DCUN1D4: variants seen among roughly 807,000 people sequenced by gnomAD.
DCUN1D4 encodes the protein defective in cullin neddylation 1 domain containing 4.
Under a neutral mutation model 47.9 loss-of-function variants are expected in DCUN1D4, and 22 were observed. The observed-to-expected ratio is 0.46, with a 90% CI of 0.33 to 0.66. The LOEUF (loss-of-function observed/expected upper bound fraction) is 0.66, where lower values mean the gene tolerates loss of function less well. DCUN1D4 is among the 30% of genes least tolerant of loss of function. The pLI, the probability that DCUN1D4 is intolerant of heterozygous loss-of-function variation, is 0.02. For missense variants in DCUN1D4, 301 were observed against 340.8 expected (o/e 0.88, Z 0.92); for synonymous variants, 121 against 112.2 (o/e 1.08, Z -0.50).
At chr4:51,897,648 T>C (rs944350014) in intron 7 of DCUN1D4, among the ~76,000 whole-genome samples, 23 of 152,056 alleles carry the variant, frequency 1.5e-4, no homozygotes, top group African/African-American at 5.1e-4. Context: ...AACAGGTTAT[T>C]ATCACCAAGG....
intron 8 of DCUN1D4, among the ~76,000 whole-genome samples, chr4:51,908,482 C>T (rs1733231562): frequency 1.3e-5 from 2 of 152,096 alleles, no homozygotes; most frequent in African/African-American, 4.8e-5. Flanking sequence ...CTGCCCCTTG[C>T]TCCTTGGTGC....
At chr4:51,833,934 G>A in the DCUN1D4 span, among the ~76,000 whole-genome samples, 1 of 152,092 alleles carries the variant, frequency 6.6e-6, no homozygotes, top group East Asian at 1.9e-4. Context: ...CAAGGTGGAT[G>A]AGGATTTGTA....
chr4:51,892,043 T>C (rs1730511702), intron 7 of DCUN1D4, among the ~76,000 whole-genome samples, 192 bp downstream of exon 7: 1 of 152,192 alleles, frequency 6.6e-6, no homozygotes, highest in African/African-American at 2.4e-5. Context: ...ATAAAGTGTC[T>C]ATATGTGTAT....
At chr4:51,860,566 G>A (rs1241226138) in intron 1 of DCUN1D4, 6 of 454,996 alleles carry the variant, frequency 1.3e-5, no homozygotes, top group African/African-American at 1.2e-4. Context: ...TATGGTGCTG[G>A]CATCTGCTTG....
At chr4:51,906,090 C>A (rs1307820286) in intron 8 of DCUN1D4, among the ~76,000 whole-genome samples, 1 of 152,048 alleles carries the variant, frequency 6.6e-6, no homozygotes, top group Non-Finnish European at 1.5e-5. Context: ...TTAAAGAAGT[C>A]GAATGAAGAG....
In DCUN1D4 at chr4:51,873,603, G is replaced by GT. The variant is rs375032836; in HGVS notation, c.137-667dup. Among the ~76,000 whole-genome samples the GT allele has an allele frequency of 1.8e-3, 281 of 152,322 alleles. 2 individuals carry two copies. The highest frequency in any genetic ancestry group is 6.2e-3 in the African/African-American group (259 of 41,570). ...TGTTAAGAACAGGGCCTGGTTCAAAGTAAGACCTCAGTAAGTGTTCAGTGG... is the reference window on the plus strand; with the variant it reads ...TGTTAAGAACAGGGCCTGGTTCAAAGTTAAGACCTCAGTAAGTGTTCAGTGG... On this transcript the variant is annotated intron_variant, in intron 3 of 10. Coordinates refer to ENST00000334635, the MANE Select transcript of DCUN1D4 (RefSeq NM_001040402.3).
In DCUN1D4 at chr4:51,863,664, T is replaced by C. The variant is rs756087324; in HGVS notation, c.97-6T>C. The stretch of plus-strand genomic sequence containing the variant: ...TTCTTCGTAATAACGAACATATTTC[T>C]TTCAGAACCTAACAGAAGACATTGG... On this transcript the variant is annotated splice_polypyrimidine_tract_variant and splice_region_variant and intron_variant, in intron 2 of 10. Transcript: ENST00000334635. The C allele has an allele frequency of 1.9e-6, 3 of 1,613,408 alleles. No individual in the cohort carries two copies. The South Asian group carries it at 3.3e-5, about 18-fold the overall frequency.
At chr4:51,866,638 A>G (rs181805231) in intron 3 of DCUN1D4, among the ~76,000 whole-genome samples, 2 of 152,146 alleles carry the variant, frequency 1.3e-5, no homozygotes, top group Admixed American at 1.3e-4. Context: ...TAATGCAGGA[A>G]TATAACTTTT....
chr4:51,849,510 C>T (rs1207518663), intron 1 of DCUN1D4, among the ~76,000 whole-genome samples: 1 of 152,164 alleles, frequency 6.6e-6, no homozygotes, highest in Non-Finnish European at 1.5e-5. Flanking sequence ...TGGTCAGATA[C>T]GTGGTAGAAG....
upstream of DCUN1D4, among the ~76,000 whole-genome samples, chr4:51,840,150 A>G (rs908319705): frequency 6.6e-6 from 1 of 152,206 alleles, no homozygotes; most frequent in African/African-American, 2.4e-5. Flanking sequence ...AAGATATTCA[A>G]TTATTAATTT....
intron 3 of DCUN1D4, among the ~76,000 whole-genome samples, chr4:51,872,117 G>T (rs1025363370): frequency 6.6e-6 from 1 of 152,206 alleles, no homozygotes; most frequent in African/African-American, 2.4e-5. Context: ...GGATCCTTGA[G>T]CCTGGGCACT....
At chr4:51,879,851 A>AT (rs966630857) in intron 5 of DCUN1D4, among the ~76,000 whole-genome samples, 5 of 152,234 alleles carry the variant, frequency 3.3e-5, no homozygotes, top group Non-Finnish European at 5.9e-5. Flanking sequence ...GCAAATACAG[A>AT]TTTTTTCATA....
At chr4:51,844,223 G>A (rs1722115763) in intron 1 of DCUN1D4, 8 of 695,880 alleles carry the variant, frequency 1.1e-5, no homozygotes, top group Admixed American at 6.4e-5. Context: ...CTAAGGGGGT[G>A]TCAGACTGTG....
chr4:51,854,097 A>T (rs758264515), intron 1 of DCUN1D4, among the ~76,000 whole-genome samples: 4 of 152,240 alleles, frequency 2.6e-5, no homozygotes, highest in African/African-American at 7.2e-5. Context: ...TCCTAGATTT[A>T]CAGTATAGAA....
chr4:51,910,392 G>A (rs1298013870), intron 8 of DCUN1D4, among the ~76,000 whole-genome samples: 2 of 151,978 alleles, frequency 1.3e-5, no homozygotes, highest in African/African-American at 4.8e-5. Flanking sequence ...CTTTCACTTG[G>A]TTACTAGTTA....
intron 1 of DCUN1D4, chr4:51,845,211 A>C: frequency 1.0e-6 from 1 of 985,470 alleles, no homozygotes; most frequent in Non-Finnish European, 1.2e-6. Flanking sequence ...GGGTTCCAGC[A>C]TTCCCTTGCA....
chr4:51,854,234 A>C (rs1014492583), intron 1 of DCUN1D4, among the ~76,000 whole-genome samples: 2 of 152,216 alleles, frequency 1.3e-5, no homozygotes, highest in African/African-American at 4.8e-5. Context: ...CAGAGTTGTA[A>C]ATTGGTATTG....
intron 1 of DCUN1D4, among the ~76,000 whole-genome samples, chr4:51,855,042 G>A (rs1418952555): frequency 1.3e-5 from 2 of 152,274 alleles, no homozygotes; most frequent in East Asian, 3.9e-4. Flanking sequence ...TATTGGGATA[G>A]AGTAGTGAAT....
chr4:51,915,191 A>AT lies in DCUN1D4; in HGVS notation c.*1613dup, dbSNP rs1231602944. On this transcript the variant is annotated 3_prime_UTR_variant, in exon 11 of 11. Coordinates refer to ENST00000334635, the MANE Select transcript of DCUN1D4 (RefSeq NM_001040402.3). ...TTGCAAACAGTGTTCACATTTTCAT[A>AT]TTTTTTCCCTAACTAAACCACCAAA... 1.3e-5 allele frequency: 2 copies of AT among 152,444 alleles called. No individual in the cohort carries two copies. The highest frequency in any genetic ancestry group is 4.8e-5 in the African/African-American group (2 of 41,402). 9.4% of individuals were successfully genotyped at this position (152,444 alleles called of 1,614,324 possible).
Sources: allele counts gnomAD v4.1 joint callset (sites outside exome capture counted in the v4.1 genomes callset), GRCh38; gene constraint gnomAD v4.1.1; transcripts MANE v1.5; gene names NCBI Gene and HGNC (gene_info 2026-07-23, HGNC 2026-07-21).